The following CST3 variants were observed in gnomAD, a reference collection of about 807,000 sequenced individuals.
CST3 encodes the protein cystatin-C.
In CST3, 14 loss-of-function variants were observed where a neutral mutation model predicts 9.0. That is an observed-to-expected ratio of 1.56 (90% CI 1.03 to 2.44). The LOEUF is 2.44. Ranked by LOEUF, CST3 falls within the 30% of genes most tolerant of loss-of-function variation. The pLI, the probability that CST3 is intolerant of heterozygous loss-of-function variation, is 0.00. For missense variants in CST3, 237 were observed against 204.3 expected (o/e 1.16, Z -0.98); for synonymous variants, 96 against 90.2 (o/e 1.06, Z -0.37).
At chr20:23,629,011 T>G (rs1385883750), downstream of CST3, 1 of 152,184 alleles carries the variant, frequency 6.6e-6, no homozygotes, top group African/African-American at 2.4e-5. Flanking sequence ...AGAACCCACT[T>G]ATCACACAGT....
intron 1 of CST3, among the ~76,000 whole-genome samples, chr20:23,636,117 C>T (rs1346659463): frequency 6.6e-6 from 1 of 152,102 alleles, no homozygotes; most frequent in Non-Finnish European, 1.5e-5. Context: ...CAGGGCCCAA[C>T]GATCTACAAT....
intron 2 of CST3, 128 bp from the exon 3 acceptor site, chr20:23,634,127 C>A: frequency 1.3e-6 from 1 of 757,860 alleles, no homozygotes; most frequent in Non-Finnish European, 2.3e-6. Context: ...ATCTACCCCT[C>A]CACCCACCCC....
rs1302424041 is a variant in CST3, at chr20:23,633,965, G to A, written c.392C>T (p.Pro131Leu). 2 of 1,614,150 alleles carry A rather than the reference G, an allele frequency of 1.2e-6. No individual in the cohort carries two copies. Among genetic ancestry groups the A allele is most frequent in the Non-Finnish European group, 1.7e-6 (2 of 1,180,014 alleles). The change falls in exon 3 of 3, where the codon CCT becomes CTT. Residue 131 changes from proline (P) to leucine (L), a missense_variant. By Grantham distance (98) the Pro-to-Leu change is moderately conservative. Transcript: ENST00000376925. ...AFCSFQIYAV[P>L]WQGTMTLSKS... ...CGACAAGGTCATTGTGCCCTGCCAAGGCACAGCGTAGATCTGGAAAGAGCA... is the reference window on the plus strand; with the variant it reads ...CGACAAGGTCATTGTGCCCTGCCAAAGCACAGCGTAGATCTGGAAAGAGCA...
At chr20:23,628,504 C>G (rs539358260) in exon 4 of CST3, 2 of 152,296 alleles carry the variant, frequency 1.3e-5, no homozygotes, top group African/African-American at 4.8e-5. Context: ...TGAGGCATTA[C>G]TTCTGAAACA....
downstream of CST3, among the ~76,000 whole-genome samples, chr20:23,630,768 G>C (rs1276036670): frequency 1.2e-4 from 17 of 136,200 alleles, no homozygotes; most frequent in Non-Finnish European, 1.9e-4. Flanking sequence ...CACCAAGGCA[G>C]AGTTAAAAAA....
intron 2 of CST3, 139 bp from the exon 3 acceptor site, chr20:23,634,138 C>T (rs1354153564): frequency 8.1e-6 from 6 of 737,398 alleles, no homozygotes; most frequent in Admixed American, 2.0e-5. Flanking sequence ...CACCCACCCC[C>T]GCTGATCCCA....
chr20:23,630,003 C>T (rs1367087205), downstream of CST3, among the ~76,000 whole-genome samples: 2 of 152,192 alleles, frequency 1.3e-5, no homozygotes, highest in Admixed American at 6.5e-5. Flanking sequence ...ATACCTGGCA[C>T]GGAAAGTGTG....
chr20:23,634,057 C>A, intron 2 of CST3, 58 bp from the exon 3 acceptor site: 1 of 1,392,694 alleles, frequency 7.2e-7, no homozygotes, highest in Non-Finnish European at 1.0e-6. Flanking sequence ...GCAGAAGATG[C>A]CCAGGCACGG....
intron 2 of CST3, 94 bp downstream of exon 2, chr20:23,635,160 C>T (rs1035826333): frequency 8.2e-6 from 9 of 1,099,484 alleles, no homozygotes; most frequent in African/African-American, 3.1e-5. Context: ...CACATGCACA[C>T]GTACCCTGCA....
At chr20:23,627,353 T>C (rs915860827) in exon 4 of CST3, 1 of 152,250 alleles carries the variant, frequency 6.6e-6, no homozygotes, top group South Asian at 2.1e-4. Flanking sequence ...CTCCACATTG[T>C]AGCACGGGTC....
chr20:23,636,635 G>A (rs1022115022), intron 1 of CST3, among the ~76,000 whole-genome samples: 1 of 152,180 alleles, frequency 6.6e-6, no homozygotes, highest in Non-Finnish European at 1.5e-5. Flanking sequence ...TATTCTGGGA[G>A]GAGGATGAGC....
intron 1 of CST3, among the ~76,000 whole-genome samples, chr20:23,637,170 C>A (rs1294969734): frequency 6.6e-6 from 1 of 152,132 alleles, no homozygotes; most frequent in Admixed American, 6.5e-5. Context: ...TCTGAAATTA[C>A]GGGAGAATAA....
intron 1 of CST3, among the ~76,000 whole-genome samples, chr20:23,636,173 G>A (rs182823198): frequency 6.6e-6 from 1 of 152,302 alleles, no homozygotes; most frequent in East Asian, 1.9e-4. Context: ...GGCCAGCGGG[G>A]ACCCTACACC....
downstream of CST3, chr20:23,629,490 T>C (rs530969672): frequency 6.6e-6 from 1 of 152,264 alleles, no homozygotes; most frequent in South Asian, 2.1e-4. Flanking sequence ...AATAAATAGA[T>C]AAATAAATAA....
intron 1 of CST3, among the ~76,000 whole-genome samples, 166 bp downstream of exon 1, chr20:23,637,454 C>G (rs1395420237): frequency 1.3e-5 from 2 of 152,184 alleles, no homozygotes. Flanking sequence ...CAGGGCATTC[C>G]CGGACACGCC....
At chr20:23,633,145 T>C (rs569937157), downstream of CST3, among the ~76,000 whole-genome samples, 3 of 152,290 alleles carry the variant, frequency 2.0e-5, no homozygotes, top group African/African-American at 7.2e-5. Flanking sequence ...GACAGGCTTT[T>C]TGGACTTTGT....
In CST3 at chr20:23,633,667, C is replaced by T. The variant is rs55837531; in HGVS notation, c.*249G>A. 0.012 allele frequency: 7,523 copies of T among 608,668 alleles called. 70 individuals carry two copies. The highest frequency in any genetic ancestry group is 0.017 in the Non-Finnish European group (5,870 of 339,440). 37.7% of individuals were successfully genotyped at this position (608,668 alleles called of 1,614,324 possible). Reference sequence around the variant, plus strand: ...AAGAACTCAGAGGGAGCCGATGCTACTATTTTATTGCAGGAGGTGGGGGTG... The same window carrying T: ...AAGAACTCAGAGGGAGCCGATGCTATTATTTTATTGCAGGAGGTGGGGGTG... On this transcript the variant is annotated 3_prime_UTR_variant, in exon 3 of 3. Transcript: ENST00000376925.
chr20:23,630,839 C>T (rs954505485), downstream of CST3, among the ~76,000 whole-genome samples: 1 of 149,186 alleles, frequency 6.7e-6, no homozygotes, highest in Non-Finnish European at 1.5e-5. Context: ...TCAGTAAAGA[C>T]TAGAGGTACA....
Sources: allele counts gnomAD v4.1 joint callset (sites outside exome capture counted in the v4.1 genomes callset), GRCh38; gene constraint gnomAD v4.1.1; transcripts MANE v1.5; gene names NCBI Gene and HGNC (gene_info 2026-07-23, HGNC 2026-07-21).